SERPINB3: variants seen among roughly 807,000 people sequenced by gnomAD.
SERPINB3 encodes serpin family B member 3.
SERPINB3 carries 33 observed loss-of-function variants against 33.0 expected under a neutral mutation model. The observed-to-expected ratio is 1.00, with a 90% CI of 0.76 to 1.34. SERPINB3 has a LOEUF of 1.34. SERPINB3 is among the 40% of genes most tolerant of loss of function. The pLI is 0.00. For synonymous variants in SERPINB3, 200 were observed against 170.9 expected (o/e 1.17, Z -1.33); for missense variants, 518 against 461.5 (o/e 1.12, Z -1.12).
chr18:63,655,880 A>C lies in SERPINB3; in HGVS notation c.950T>G (p.Met317Arg). Residue 317 changes from methionine to arginine, a missense_variant, in exon 8 of 8, where the codon ATG becomes AGG. By Grantham distance (91) the Met-to-Arg change is moderately conservative. Coordinates refer to ENST00000283752, the MANE Select transcript of SERPINB3 (RefSeq NM_006919.3). ...TAGCACGAGACCGCGGCTCCCGGTC[A>C]TGCCTGAGAGGTCTGCATCCCCATT... ...IFNGDADLSGMTGSRGLVLSG... is the reference protein window; with the variant it reads ...IFNGDADLSGRTGSRGLVLSG... 1 of 1,614,016 alleles carries C rather than the reference A, an allele frequency of 6.2e-7. No homozygotes were observed. The highest frequency in any genetic ancestry group is 8.5e-7 in the Non-Finnish European group (1 of 1,179,948).
rs932902638 is a variant in SERPINB3, at chr18:63,656,717, G to T, written c.768+114C>A. ...AAGGTGAGTCATCATTCCTCATTTA[G>T]AATTTTTCATTATTTTGAGGCAACT... On this transcript the variant is annotated intron_variant, in intron 7 of 7. Coordinates refer to ENST00000283752, the MANE Select transcript of SERPINB3 (RefSeq NM_006919.3). 1.4e-5 allele frequency: 18 copies of T among 1,277,432 alleles called. No homozygotes were observed. In the African/African-American group the frequency reaches 2.5e-4, roughly 18 times the overall value. 79.1% of individuals were successfully genotyped at this position (1,277,432 alleles called of 1,614,324 possible). A position where few individuals can be genotyped will look rare whatever the true frequency, so the allele number is the denominator to read the frequency against.
At position 63,655,841 on chromosome 18, in the gene SERPINB3, T is replaced by C. The variant is rs1424311110; in HGVS notation, c.989A>G (p.His330Arg). 6.2e-7 allele frequency: 1 copy of C among 1,613,952 alleles called. No homozygotes were observed. The highest frequency in any genetic ancestry group is 1.1e-5 in the South Asian group (1 of 91,070). ...SRGLVLSGVL[H>R]KAFVEVTEEG... ...CTCTGTAACCTCCACAAAGGCCTTG[T>C]GTAGGACTCCAGATAGCACGAGACC... The change falls in exon 8 of 8, where the codon CAC becomes CGC. Residue 330 changes from histidine (H) to arginine (R), a missense_variant. Coordinates refer to ENST00000283752, the MANE Select transcript of SERPINB3 (RefSeq NM_006919.3).
intron 7 of SERPINB3, among the ~76,000 whole-genome samples, chr18:63,656,517 T>A: frequency 6.6e-6 from 1 of 152,230 alleles, no homozygotes; most frequent in East Asian, 1.9e-4. Flanking sequence ...TTCCCTTTTT[T>A]ACTTGGTGTA....
At chr18:63,659,275 A>C in intron 4 of SERPINB3, 124 bp downstream of exon 4, 1 of 1,052,806 alleles carries the variant, frequency 9.5e-7, no homozygotes, top group South Asian at 1.3e-5. Context: ...GAGCTATTGC[A>C]CTCTGAGTAA....
rs756259409 is a variant in SERPINB3, at chr18:63,659,507, A to G, written c.243T>C (p.Val81=). Residue 81 remains valine (V), a synonymous_variant, in exon 4 of 8, where the codon GTT becomes GTC. Transcript: ENST00000283752. The part of the protein sequence containing the change: ...ATYHVDRSGN[V]HHQFQKLLTE... Reference sequence around the variant, plus strand: ...TCAGAAGCTTTTGAAACTGGTGATGAACATTTCCTGACCTATCAACCTTCA... The same window carrying G: ...TCAGAAGCTTTTGAAACTGGTGATGGACATTTCCTGACCTATCAACCTTCA... 1 of 1,613,606 alleles carries G rather than the reference A, an allele frequency of 6.2e-7. No homozygotes were observed.
At chr18:63,656,189 T>G in intron 7 of SERPINB3, 128 bp from the exon 8 acceptor site, 1 of 1,135,974 alleles carries the variant, frequency 8.8e-7, no homozygotes, top group Non-Finnish European at 1.2e-6. Flanking sequence ...TTCACTTTAT[T>G]AGATATTATT....
intron 5 of SERPINB3, 132 bp from the exon 6 acceptor site, chr18:63,657,544 C>G (rs1171407043): frequency 6.8e-6 from 5 of 738,242 alleles, no homozygotes; most frequent in South Asian, 2.8e-5. Context: ...TGACTTTGAT[C>G]TTTGAATTGT....
chr18:63,656,009 T>A lies in SERPINB3; in HGVS notation c.821A>T (p.Asn274Ile), dbSNP rs758341985. 1 of 1,613,974 alleles carries A rather than the reference T, an allele frequency of 6.2e-7. No homozygotes were observed. Among genetic ancestry groups the A allele is most frequent in the Non-Finnish European group, 8.5e-7 (1 of 1,179,928 alleles). The change falls in exon 8 of 8, where the codon AAT becomes ATT. Residue 274 changes from asparagine (N) to isoleucine (I), a missense_variant. Coordinates refer to ENST00000283752, the MANE Select transcript of SERPINB3 (RefSeq NM_006919.3). The stretch of plus-strand genomic sequence containing the variant: ...TAAATCGACACGTGTCTCTCTCATA[T>A]TCTGCAAACTTGTCCATTCCATCAA... Reference protein sequence around the residue: ...EKLMEWTSLQNMRETRVDLHL... With the variant: ...EKLMEWTSLQIMRETRVDLHL...
chr18:63,660,773 G>C, intron 3 of SERPINB3, 27 bp downstream of exon 3: 1 of 1,613,064 alleles, frequency 6.2e-7, no homozygotes, highest in Non-Finnish European at 8.5e-7. Context: ...GGGATCTAAA[G>C]CTGAACCATA....
Position 63,657,404 on chromosome 18 carries a change from T to A in SERPINB3, c.478A>T (p.Lys160Ter), listed in dbSNP as rs2144493178. The A allele has an allele frequency of 6.3e-7, 1 of 1,595,428 alleles. No homozygotes were observed. The highest frequency in any genetic ancestry group is 1.7e-5 in the Admixed American group (1 of 57,338). ...ATATTACCTTCAGGAATTAGGTTTT[T>A]AATTTTTTCTGCAAGGGAAAGAATA... ...WVESQTNEKI[K>*]NLIPEGNIGS... The change falls in exon 6 of 8, where the codon AAA becomes TAA. Residue 160 changes from lysine to a stop codon, truncating the protein, a stop_gained. Transcript: ENST00000283752. LOFTEE classifies it high-confidence loss of function.
At chr18:63,660,588 G>A (rs534682570) in intron 3 of SERPINB3, among the ~76,000 whole-genome samples, 5 of 152,194 alleles carry the variant, frequency 3.3e-5, no homozygotes, top group African/African-American at 9.6e-5. Context: ...CCAGACCTAT[G>A]CTCTGAGGTA....
intron 3 of SERPINB3, among the ~76,000 whole-genome samples, chr18:63,660,421 T>C (rs1455998051): frequency 6.6e-6 from 1 of 152,176 alleles, no homozygotes; most frequent in Non-Finnish European, 1.5e-5. Context: ...CAAGGCAATG[T>C]TGTAAACATT....
At chr18:63,656,347 C>A (rs1314793745) in intron 7 of SERPINB3, among the ~76,000 whole-genome samples, 2 of 151,992 alleles carry the variant, frequency 1.3e-5, no homozygotes, top group African/African-American at 4.8e-5. Flanking sequence ...AATATGATTA[C>A]ATTATTTTGT....
At chr18:63,658,090 G>A (rs1272907811) in intron 5 of SERPINB3, among the ~76,000 whole-genome samples, 2 of 152,086 alleles carry the variant, frequency 1.3e-5, no homozygotes, top group African/African-American at 4.8e-5. Flanking sequence ...AGTTCAGATG[G>A]CAAAAGGGTG....
At position 63,656,835 on chromosome 18, in the gene SERPINB3, T is replaced by C; in HGVS notation, c.764A>G (p.Gln255Arg). 6.2e-7 allele frequency: 1 copy of C among 1,609,394 alleles called. No homozygotes were observed. The highest frequency in any genetic ancestry group is 8.5e-7 in the Non-Finnish European group (1 of 1,177,128). Residue 255 changes from glutamine to arginine, a missense_variant, in exon 7 of 8, where the codon CAG becomes CGG. Gln to Arg is a conservative substitution (Grantham distance 43, BLOSUM62 1). Coordinates refer to ENST00000283752, the MANE Select transcript of SERPINB3 (RefSeq NM_006919.3). ...GTTGTAGATGCAAGTTCTTACCTTC[T>C]GGAGACCATCGATTTCATTTGGCAG... ...VLLPNEIDGL[Q>R]KLEEKLTAEK...
At chr18:63,657,438 T>A in intron 5 of SERPINB3, 26 bp from the exon 6 acceptor site, 1 of 1,555,532 alleles carries the variant, frequency 6.4e-7, no homozygotes. Context: ...TAAAAGAGTC[T>A]TTTACACAAG....
At position 63,661,849 on chromosome 18, in the gene SERPINB3, T is replaced by C. The variant is rs192653115; in HGVS notation, c.-30A>G. 33 of 152,678 alleles carry C rather than the reference T, an allele frequency of 2.2e-4. No homozygotes were observed. Among genetic ancestry groups the C allele is most frequent in the Admixed American group, 9.8e-4 (15 of 15,258 alleles). The allele number at this position is 152,678 out of a possible 1,614,324, so 9.5% of individuals were successfully genotyped here. A position where few individuals can be genotyped will look rare whatever the true frequency, so the allele number is the denominator to read the frequency against. Reference sequence around the variant, plus strand: ...TGGAGAGGCTTGAAGCTCTTACCTGTGTTCCTAGAGGAAGCAGAGGTGGGC... The same window carrying C: ...TGGAGAGGCTTGAAGCTCTTACCTGCGTTCCTAGAGGAAGCAGAGGTGGGC... On this transcript the variant is annotated 5_prime_UTR_variant, in exon 1 of 8. Coordinates refer to ENST00000283752, the MANE Select transcript of SERPINB3 (RefSeq NM_006919.3).
chr18:63,655,533 C>A lies in SERPINB3; in HGVS notation c.*124G>T. The A allele has an allele frequency of 9.9e-7, 1 of 1,015,024 alleles. No homozygotes were observed. The highest frequency in any genetic ancestry group is 1.4e-6 in the Non-Finnish European group (1 of 692,978). The allele number at this position is 1,015,024 out of a possible 1,614,324, so 62.9% of individuals were successfully genotyped here. ...TTAATCATTAAATTCTTGATGATGACGATCATCATCAAGATGAGAAAGAAA... is the reference window on the plus strand; with the variant it reads ...TTAATCATTAAATTCTTGATGATGAAGATCATCATCAAGATGAGAAAGAAA... On this transcript the variant is annotated 3_prime_UTR_variant, in exon 8 of 8. Coordinates refer to ENST00000283752, the MANE Select transcript of SERPINB3 (RefSeq NM_006919.3).
At chr18:63,659,717 G>A (rs1362361084) in intron 3 of SERPINB3, among the ~76,000 whole-genome samples, 190 bp from the exon 4 acceptor site, 2 of 152,088 alleles carry the variant, frequency 1.3e-5, no homozygotes, top group East Asian at 1.9e-4. Flanking sequence ...CTTCTTCCAG[G>A]AAATTCTTCT....
Sources: allele counts gnomAD v4.1 joint callset (sites outside exome capture counted in the v4.1 genomes callset), GRCh38; gene constraint gnomAD v4.1.1; transcripts MANE v1.5; gene names NCBI Gene and HGNC (gene_info 2026-07-23, HGNC 2026-07-21).